FARP1: variants seen among roughly 807,000 people sequenced by gnomAD.
The protein encoded by FARP1 is FERM, ARHGEF and pleckstrin domain-containing protein 1.
FARP1 carries 52 observed loss-of-function variants against 128.8 expected under a neutral mutation model. The ratio of observed to expected loss-of-function variants is 0.40; its 90% CI spans 0.32 to 0.51. FARP1 has a LOEUF of 0.51. FARP1 is among the 20% of genes least tolerant of loss of function. The probability of loss-of-function intolerance (pLI) is 0.45; values close to 1 mark genes in which losing one functional copy is unlikely to be tolerated. For missense variants in FARP1, 1,333 were observed against 1,367.9 expected, an observed-to-expected ratio of 0.97 and a Z score of 0.40; for synonymous variants, 580 against 551.8, an observed-to-expected ratio of 1.05 and a Z score of -0.72.
chr13:98,151,270 T>A (rs1875978936), intron 1 of FARP1, among the ~76,000 whole-genome samples: 1 of 152,152 alleles, frequency 6.6e-6, no homozygotes, highest in Admixed American at 6.6e-5. Flanking sequence ...TTACCACAGG[T>A]ATGTAAGTAC....
intron 2 of FARP1, among the ~76,000 whole-genome samples, chr13:98,222,856 T>C (rs564803342): frequency 1.3e-5 from 2 of 150,884 alleles, no homozygotes; most frequent in African/African-American, 2.4e-5. Flanking sequence ...CAGGATGGTC[T>C]TGGTCTCTTG....
At chr13:98,424,826 T>C (rs1891720312) in intron 17 of FARP1, among the ~76,000 whole-genome samples, 176 bp downstream of exon 17, 1 of 152,090 alleles carries the variant, frequency 6.6e-6, no homozygotes, top group South Asian at 2.1e-4. Context: ...CGGCTTTGAA[T>C]GTGGCCCAAC....
chr13:98,409,378 G>T lies in FARP1; in HGVS notation c.1455G>T (p.Val485=). ...TGSPHLSELS[V]NSQGGVAPAN... ...GTCCTCACCTTTCCGAGCTGTCTGTGAACTCGCAGGGGGGAGTGGCCCCTG... is the reference window on the plus strand; with the variant it reads ...GTCCTCACCTTTCCGAGCTGTCTGTTAACTCGCAGGGGGGAGTGGCCCCTG... Residue 485 remains valine, a synonymous_variant, in exon 14 of 27, where the codon GTG becomes GTT. Transcript: ENST00000319562. 6.2e-7 allele frequency: 1 copy of T among 1,613,838 alleles called. No individual in the cohort carries two copies. The highest frequency in any genetic ancestry group is 8.5e-7 in the Non-Finnish European group (1 of 1,179,954).
chr13:98,410,234 C>T lies in FARP1; in HGVS notation c.1603-500C>T, dbSNP rs576878661. Among the ~76,000 whole-genome samples, 8 of 152,316 alleles carry T rather than the reference C, an allele frequency of 5.3e-5. No individual in the cohort carries two copies. In the East Asian group the frequency reaches 1.5e-3, roughly 29 times the overall value. ...CTCCTCCACGGTGGGGCTGGCTGCC[C>T]ACCTGACTGACAGCCGCCAAGGGAG... On this transcript the variant is annotated intron_variant, in intron 14 of 26. Transcript: ENST00000319562.
At chr13:98,185,040 G>T (rs1361013602) in intron 1 of FARP1, among the ~76,000 whole-genome samples, 1 of 152,102 alleles carries the variant, frequency 6.6e-6, no homozygotes, top group Non-Finnish European at 1.5e-5. Flanking sequence ...AAAAGTGTGT[G>T]GTAGCACATT....
chr13:98,386,711 C>T (rs894310330), intron 8 of FARP1, among the ~76,000 whole-genome samples: 20 of 152,166 alleles, frequency 1.3e-4, no homozygotes, highest in Non-Finnish European at 5.9e-5. Context: ...GAAATAGGAT[C>T]AGATTTCACC....
chr13:98,427,289 C>T (rs1309787486), intron 17 of FARP1, among the ~76,000 whole-genome samples: 2 of 152,128 alleles, frequency 1.3e-5, no homozygotes, highest in South Asian at 2.1e-4. Flanking sequence ...CACTGCAGAC[C>T]GGCTTCGTTT....
rs1889714399 is a variant in FARP1, at chr13:98,378,933, TATA to T, written c.496+1018_496+1020del. Among the ~76,000 whole-genome samples, 19 of 113,654 alleles carry T rather than the reference TATA, an allele frequency of 1.7e-4. 4 individuals carry two copies. Among genetic ancestry groups the T allele is most frequent in the African/African-American group, 7.0e-4 (19 of 27,052 alleles). 74.6% of individuals were successfully genotyped at this position (113,654 alleles called of 152,430 possible). A position where few individuals can be genotyped will look rare whatever the true frequency, so the allele number is the denominator to read the frequency against. On this transcript the variant is annotated intron_variant, in intron 6 of 26. Coordinates refer to ENST00000319562, the MANE Select transcript of FARP1 (RefSeq NM_005766.4). ...TAATATATATATAATATATACAATA[TATA>T]ATCTATATATAATATATATATAATA... is the stretch of plus-strand genomic sequence containing the variant.
At chr13:98,222,464 A>T (rs1405111500) in intron 2 of FARP1, among the ~76,000 whole-genome samples, 1 of 152,148 alleles carries the variant, frequency 6.6e-6, no homozygotes, top group Non-Finnish European at 1.5e-5. Flanking sequence ...CGCGGGTCAG[A>T]GTGCTGGAGA....
intron 2 of FARP1, among the ~76,000 whole-genome samples, chr13:98,235,791 T>A (rs541723599): frequency 6.6e-6 from 1 of 150,898 alleles, no homozygotes; most frequent in African/African-American, 2.4e-5. Flanking sequence ...TTATTCCGTA[T>A]CATTCATAAA....
intron 17 of FARP1, among the ~76,000 whole-genome samples, chr13:98,425,108 A>G (rs1431019615): frequency 1.3e-5 from 2 of 152,064 alleles, no homozygotes; most frequent in African/African-American, 4.8e-5. Flanking sequence ...AAAGCCAATC[A>G]CTTTAGCGAA....
chr13:98,267,039 T>C (rs1017095037), intron 2 of FARP1, among the ~76,000 whole-genome samples: 1 of 113,486 alleles, frequency 8.8e-6, no homozygotes, highest in Non-Finnish European at 1.8e-5. Flanking sequence ...AAAAAAGGGG[T>C]GGTATACAAG....
intron 2 of FARP1, among the ~76,000 whole-genome samples, chr13:98,303,953 C>A (rs376759746): frequency 1.3e-5 from 2 of 152,188 alleles, no homozygotes; most frequent in East Asian, 3.9e-4. Flanking sequence ...AGAGTTCACT[C>A]GTTACTTGAC....
chr13:98,214,324 A>G lies in FARP1; in HGVS notation c.171+911A>G, dbSNP rs149441500. Among the ~76,000 whole-genome samples the G allele has an allele frequency of 4.9e-3, 742 of 152,140 alleles. 1 individual carries two copies. Among genetic ancestry groups the G allele is most frequent in the Non-Finnish European group, 7.4e-3 (504 of 67,998 alleles). ...CCACTCCCTCTCATCGGCTCAGTCC[A>G]GAGAACTCTTAACACTCCTCGGATC... On this transcript the variant is annotated intron_variant, in intron 2 of 26. Transcript: ENST00000319562.
chr13:98,172,479 CAGA>C (rs1298615680), intron 1 of FARP1, among the ~76,000 whole-genome samples: 2 of 152,140 alleles, frequency 1.3e-5, no homozygotes, highest in African/African-American at 4.8e-5. Flanking sequence ...ATGAAAATCA[CAGA>C]GCTGCCTCTA....
intron 3 of FARP1, among the ~76,000 whole-genome samples, chr13:98,350,485 C>T (rs890572296): frequency 2.6e-5 from 4 of 152,148 alleles, no homozygotes. Context: ...AGTGTCAATC[C>T]ATTATCATTC....
chr13:98,402,361 AT>A (rs1396698541), intron 13 of FARP1: 2 of 152,476 alleles, frequency 1.3e-5, no homozygotes, highest in African/African-American at 4.8e-5. Context: ...TTTGAGTGAG[AT>A]GTGGAGGCGG....
intron 19 of FARP1, among the ~76,000 whole-genome samples, chr13:98,436,449 C>T (rs1413190545): frequency 3.3e-5 from 5 of 152,190 alleles, no homozygotes; most frequent in African/African-American, 7.2e-5. Context: ...TACCCTGTGG[C>T]GCCCCCATTT....
At chr13:98,363,085 T>A (rs1594446944) in intron 3 of FARP1, among the ~76,000 whole-genome samples, 1 of 152,318 alleles carries the variant, frequency 6.6e-6, no homozygotes, top group Non-Finnish European at 1.5e-5. Flanking sequence ...ACTCATCTTT[T>A]AAAAATACAA....
Sources: gnomAD v4.1 joint callset for allele counts (sites outside exome capture counted in the v4.1 genomes callset) on GRCh38, gnomAD v4.1.1 for gene constraint, MANE v1.5 for transcripts, NCBI Gene and HGNC (gene_info 2026-07-23, HGNC 2026-07-21) for gene names.